Variants in CHSY1 observed in about 807,000 individuals in gnomAD.
CHSY1 encodes chondroitin sulfate synthase 1, also known as N-acetylgalactosaminyl-proteoglycan 3-beta-glucuronosyltransferase 1.
CHSY1 carries 13 observed loss-of-function variants against 59.8 expected under a neutral mutation model. That is an observed-to-expected ratio of 0.22 (90% CI 0.14 to 0.35). The LOEUF is 0.35. Among genes scored for constraint, CHSY1 ranks in the 10% least tolerant of loss-of-function variants. The probability of loss-of-function intolerance (pLI) is 1.00; values close to 1 mark genes in which losing one functional copy is unlikely to be tolerated. For synonymous variants in CHSY1, 459 were observed against 401.2 expected, an observed-to-expected ratio of 1.14 and a Z score of -1.72; for missense variants, 947 against 1,030.6, an observed-to-expected ratio of 0.92 and a Z score of 1.11.
intron 1 of CHSY1, among the ~76,000 whole-genome samples, chr15:101,242,390 C>T (rs1186619144): frequency 1.3e-5 from 2 of 152,214 alleles, no homozygotes; most frequent in South Asian, 2.1e-4. Flanking sequence ...ACGTGACCTA[C>T]GGATGTGCTA....
At chr15:101,233,380 A>T (rs1057319944) in intron 2 of CHSY1, among the ~76,000 whole-genome samples, 2 of 152,188 alleles carry the variant, frequency 1.3e-5, no homozygotes, top group African/African-American at 4.8e-5. Flanking sequence ...GTCCTCTATG[A>T]TTCCGGCAAG....
chr15:101,234,620 G>C (rs574080019), intron 2 of CHSY1, among the ~76,000 whole-genome samples: 1 of 152,230 alleles, frequency 6.6e-6, no homozygotes, highest in Non-Finnish European at 1.5e-5. Flanking sequence ...TGTAATCCCA[G>C]CATTTTGGGA....
chr15:101,217,855 A>AT (rs1179810802), intron 2 of CHSY1, among the ~76,000 whole-genome samples: 1 of 152,226 alleles, frequency 6.6e-6, no homozygotes, highest in Non-Finnish European at 1.5e-5. Flanking sequence ...TGTGAGCTGC[A>AT]TATTAGTGAC....
intron 1 of CHSY1, among the ~76,000 whole-genome samples, chr15:101,246,035 C>T (rs1012607108): frequency 4.4e-4 from 67 of 152,072 alleles, no homozygotes; most frequent in African/African-American, 1.5e-3. Context: ...AGGAACAGTC[C>T]GTCTTCATTT....
chr15:101,177,295 T>A lies in CHSY1; in HGVS notation c.*93A>T. On this transcript the variant is annotated 3_prime_UTR_variant, in exon 3 of 3. Coordinates refer to ENST00000254190, the MANE Select transcript of CHSY1 (RefSeq NM_014918.5). ...GTAAGAAAACCACTTGTAAAATATA[T>A]CCTTGTATACGGACTTCAAAAACTG... The A allele has an allele frequency of 4.2e-6, 5 of 1,204,188 alleles. No homozygotes were observed. In the South Asian group the frequency reaches 7.4e-5, roughly 18 times the overall value. The allele number at this position is 1,204,188 out of a possible 1,614,324, so 74.6% of individuals were successfully genotyped here.
chr15:101,177,834 A>G lies in CHSY1; in HGVS notation c.1963T>C (p.Tyr655His). ...RANTVLGQQI[Y>H]FPIIFSQYDP... ...TACTGGCTGAAGATGATTGGAAAAT[A>G]TATTTGTTGGCCCAGAACTGTATTT... The change falls in exon 3 of 3, where the codon TAT becomes CAT. Residue 655 changes from tyrosine to histidine, a missense_variant. This residue lies in a region of CHSY1 where 602 missense variants were observed against 676.9 expected (regional missense o/e 0.89). Coordinates refer to ENST00000254190, the MANE Select transcript of CHSY1 (RefSeq NM_014918.5). 1 of 1,614,202 alleles carries G rather than the reference A, an allele frequency of 6.2e-7. No individual in the cohort carries two copies. Among genetic ancestry groups the G allele is most frequent in the Non-Finnish European group, 8.5e-7 (1 of 1,180,026 alleles).
chr15:101,223,958 T>G (rs190597761), intron 2 of CHSY1, among the ~76,000 whole-genome samples: 2 of 152,264 alleles, frequency 1.3e-5, no homozygotes, highest in African/African-American at 4.8e-5. Flanking sequence ...TCCCGTAAGA[T>G]TGTAATACCT....
At chr15:101,180,892 G>A (rs1596422154) in intron 2 of CHSY1, among the ~76,000 whole-genome samples, 1 of 152,200 alleles carries the variant, frequency 6.6e-6, no homozygotes, top group Non-Finnish European at 1.5e-5. Flanking sequence ...TCACTTTCTA[G>A]CTGGGCTGAT....
At chr15:101,239,686 G>A (rs1449342010) in intron 1 of CHSY1, among the ~76,000 whole-genome samples, 2 of 152,236 alleles carry the variant, frequency 1.3e-5, no homozygotes, top group Non-Finnish European at 2.9e-5. Context: ...GGAGCACACG[G>A]AGCAAAGGTA....
chr15:101,212,750 TA>T (rs1306612449), intron 2 of CHSY1, among the ~76,000 whole-genome samples: 1 of 152,200 alleles, frequency 6.6e-6, no homozygotes, highest in African/African-American at 2.4e-5. Flanking sequence ...TTGTTGAATA[TA>T]AACATGATCT....
intron 1 of CHSY1, among the ~76,000 whole-genome samples, chr15:101,249,506 T>C (rs2039085339): frequency 7.4e-6 from 1 of 134,444 alleles, no homozygotes; most frequent in Admixed American, 7.7e-5. Flanking sequence ...GATCGATAGA[T>C]AGAATTTTTT....
chr15:101,184,383 A>AC (rs2038324646), intron 2 of CHSY1, among the ~76,000 whole-genome samples: 1 of 144,902 alleles, frequency 6.9e-6, no homozygotes, highest in African/African-American at 2.5e-5. Flanking sequence ...TATATATATA[A>AC]TTTTTTTTTT....
chr15:101,235,903 G>A (rs1296202078), intron 1 of CHSY1, among the ~76,000 whole-genome samples: 1 of 152,086 alleles, frequency 6.6e-6, no homozygotes, highest in African/African-American at 2.4e-5. Flanking sequence ...CCCTACCTAA[G>A]AACTTCTCAA....
intron 2 of CHSY1, among the ~76,000 whole-genome samples, chr15:101,233,677 G>A (rs946664753): frequency 3.3e-5 from 5 of 152,162 alleles, no homozygotes; most frequent in Admixed American, 1.3e-4. Flanking sequence ...GGATTGAAGA[G>A]TTCACTCAAG....
intron 2 of CHSY1, among the ~76,000 whole-genome samples, chr15:101,222,960 G>A (rs1039178248): frequency 1.4e-4 from 21 of 152,274 alleles, no homozygotes; most frequent in African/African-American, 5.1e-4. Flanking sequence ...ACTTTAAAAT[G>A]AGCATAAAAA....
chr15:101,240,783 T>C (rs2141279062), intron 1 of CHSY1, among the ~76,000 whole-genome samples: 1 of 152,366 alleles, frequency 6.6e-6, no homozygotes, highest in Middle Eastern at 3.4e-3. Flanking sequence ...TCCCACAAGC[T>C]TAGCGTTCCA....
At chr15:101,224,347 G>A (rs62019751) in intron 2 of CHSY1, among the ~76,000 whole-genome samples, 2 of 152,178 alleles carry the variant, frequency 1.3e-5, no homozygotes, top group Non-Finnish European at 2.9e-5. Flanking sequence ...GGGCATTTGT[G>A]TGCCAAGTCT....
At chr15:101,242,524 G>A (rs2039012530) in intron 1 of CHSY1, 1 of 152,376 alleles carries the variant, frequency 6.6e-6, no homozygotes, top group African/African-American at 2.4e-5. Context: ...CTTCTCCCAA[G>A]GTCAATGATG....
chr15:101,186,936 C>A (rs1251299156), intron 2 of CHSY1: 1 of 152,216 alleles, frequency 6.6e-6, no homozygotes, highest in African/African-American at 2.4e-5. Flanking sequence ...CAGAACGAGT[C>A]ACAAATCCTC....
Sources: allele counts gnomAD v4.1 joint callset (sites outside exome capture counted in the v4.1 genomes callset), GRCh38; gene constraint gnomAD v4.1.1; regional missense constraint gnomAD v4.1.1; transcripts MANE v1.5; gene names NCBI Gene and HGNC (gene_info 2026-07-23, HGNC 2026-07-21).